Variants in PCDHGB7 observed in about 807,000 individuals in gnomAD.
PCDHGB7 encodes protocadherin gamma subfamily B, 7.
Under a neutral mutation model 61.4 loss-of-function variants are expected in PCDHGB7, and 37 were observed. The ratio of observed to expected loss-of-function variants is 0.60; its 90% CI spans 0.46 to 0.79. The LOEUF is 0.79. Among genes scored for constraint, PCDHGB7 ranks in the 30% least tolerant of loss-of-function variants. The probability of loss-of-function intolerance (pLI) is 0.00; values close to 1 mark genes in which losing one functional copy is unlikely to be tolerated. For synonymous variants in PCDHGB7, 464 were observed against 503.5 expected, an observed-to-expected ratio of 0.92 and a Z score of 1.05; for missense variants, 1,166 against 1,202.5, an observed-to-expected ratio of 0.97 and a Z score of 0.45.
At chr5:141,422,997 C>A in intron 1 of PCDHGB7, 3 of 1,614,218 alleles carry the variant, frequency 1.9e-6, no homozygotes, top group Non-Finnish European at 2.5e-6. Flanking sequence ...ACCTGGTGAC[C>A]AAGGTGGTTG....
At chr5:141,430,635 T>C (rs1561846344) in intron 1 of PCDHGB7, 1 of 881,828 alleles carries the variant, frequency 1.1e-6, no homozygotes, top group African/African-American at 1.7e-5. Context: ...GAACCATCCC[T>C]GGGAGTATGT....
chr5:141,457,416 C>T (rs1378171092), intron 1 of PCDHGB7, among the ~76,000 whole-genome samples: 1 of 152,172 alleles, frequency 6.6e-6, no homozygotes, highest in Non-Finnish European at 1.5e-5. Flanking sequence ...ATTACCCATC[C>T]CTTTTTCCCC....
Position 141,431,264 on chromosome 5 carries a change from A to T in PCDHGB7, c.2415+10990A>T. The T allele has an allele frequency of 6.2e-7, 1 of 1,614,170 alleles. No individual in the cohort carries two copies. On this transcript the variant is annotated intron_variant, in intron 1 of 3. Coordinates refer to ENST00000398594, the MANE Select transcript of PCDHGB7 (RefSeq NM_018927.4). This position sits in a 1 kb window ranked among gnomAD's most constrained non-coding sequence, Gnocchi z 4.8. ...GGATATCGGGAAGAACTCTCTGCAG[A>T]GCTACGAGCTCAGCCCGAACACTCA...
chr5:141,437,794 G>A (rs1162440523), intron 1 of PCDHGB7, among the ~76,000 whole-genome samples: 3 of 150,526 alleles, frequency 2.0e-5, no homozygotes, highest in Non-Finnish European at 4.4e-5. Flanking sequence ...CTGGAGTGCA[G>A]TGGCACTATC....
At chr5:141,427,929 T>A in intron 1 of PCDHGB7, 1 of 1,582,776 alleles carries the variant, frequency 6.3e-7, no homozygotes, top group South Asian at 1.1e-5. Flanking sequence ...CCGGCGCATG[T>A]TGGTGGGCGA....
chr5:141,484,930 G>A (rs992641330), intron 1 of PCDHGB7: 2 of 501,452 alleles, frequency 4.0e-6, no homozygotes, highest in South Asian at 2.6e-5. Flanking sequence ...CTGCTGTTGG[G>A]ACGTTCTCTG....
intron 2 of PCDHGB7, among the ~76,000 whole-genome samples, chr5:141,502,358 TA>T (rs1283802909): frequency 6.6e-6 from 1 of 152,134 alleles, no homozygotes; most frequent in African/African-American, 2.4e-5. Context: ...ATGACATGGA[TA>T]TTTTTAAAGA....
chr5:141,460,921 T>C (rs984603258), intron 1 of PCDHGB7, among the ~76,000 whole-genome samples: 4 of 151,276 alleles, frequency 2.6e-5, no homozygotes, highest in African/African-American at 9.7e-5. Flanking sequence ...TGTATATATA[T>C]ATATGTGTGT....
chr5:141,505,155 C>T (rs2099844224), intron 2 of PCDHGB7, among the ~76,000 whole-genome samples: 1 of 152,162 alleles, frequency 6.6e-6, no homozygotes, highest in Non-Finnish European at 1.5e-5. Context: ...GAGTAAGACC[C>T]TGTCTAAAAC....
At chr5:141,421,825 AG>A in intron 1 of PCDHGB7, 1 of 1,613,802 alleles carries the variant, frequency 6.2e-7, no homozygotes. Flanking sequence ...ACTGGAGGGA[AG>A]CCTGGACCGA....
In PCDHGB7 at chr5:141,458,391, C is replaced by G. The variant is rs534396279; in HGVS notation, c.2416-36416C>G. 5.9e-5 allele frequency among the ~76,000 whole-genome samples: 9 copies of G among 152,126 alleles called. No homozygotes were observed. In the South Asian group the frequency reaches 1.0e-3, roughly 18 times the overall value. ...GGAGAAGAGAGAAGGAAGACGCTCCCCCTTGCAGAGACGGAGCGGGGGTTC... is the reference window on the plus strand; with the variant it reads ...GGAGAAGAGAGAAGGAAGACGCTCCGCCTTGCAGAGACGGAGCGGGGGTTC... On this transcript the variant is annotated intron_variant, in intron 1 of 3. Coordinates refer to ENST00000398594, the MANE Select transcript of PCDHGB7 (RefSeq NM_018927.4).
In PCDHGB7 at chr5:141,490,304, T is replaced by G. The variant is rs2099698490; in HGVS notation, c.2416-4503T>G. On this transcript the variant is annotated intron_variant, in intron 1 of 3. Coordinates refer to ENST00000398594, the MANE Select transcript of PCDHGB7 (RefSeq NM_018927.4). This position sits in a 1 kb window ranked among gnomAD's most constrained non-coding sequence, Gnocchi z 5.4. ...GCCCCAGAGGTGCTATTGGCCTCTT[T>G]GGCCAACCCTGTCCTAGAGAGCACA... 1.2e-6 allele frequency: 2 copies of G among 1,614,026 alleles called. No homozygotes were observed. The highest frequency in any genetic ancestry group is 1.7e-5 in the Admixed American group (1 of 60,010).
At chr5:141,478,500 T>G in intron 1 of PCDHGB7, 1 of 1,612,740 alleles carries the variant, frequency 6.2e-7, no homozygotes, top group Non-Finnish European at 8.5e-7. Flanking sequence ...TGTGATCCGG[T>G]GTTCTATAGG....
chr5:141,427,817 G>A, intron 1 of PCDHGB7: 2 of 1,528,134 alleles, frequency 1.3e-6, no homozygotes, highest in Non-Finnish European at 1.8e-6. Flanking sequence ...AGAGCGGGGT[G>A]GTGGTCGCGC....
At chr5:141,450,832 T>TTA (rs764784095) in intron 1 of PCDHGB7, among the ~76,000 whole-genome samples, 6,304 of 142,274 alleles carry the variant, frequency 0.044, 222 homozygotes, top group African/African-American at 0.11. Context: ...TATTATTATT[T>TTA]TTTTTTTTTT....
intron 1 of PCDHGB7, chr5:141,441,078 G>T (rs1443239760): frequency 2.0e-5 from 3 of 152,140 alleles, no homozygotes; most frequent in Non-Finnish European, 4.4e-5. Context: ...CCATGGTTTT[G>T]GTAGCAAGTG....
chr5:141,432,722 T>G lies in PCDHGB7; in HGVS notation c.2415+12448T>G, dbSNP rs2097531915. 6.2e-7 allele frequency: 1 copy of G among 1,613,646 alleles called. No homozygotes were observed. Among genetic ancestry groups the G allele is most frequent in the African/African-American group, 1.3e-5 (1 of 74,900 alleles). ...CCAGGACCACGGCCAGCCCCCTCTC[T>G]CCGCCACTGTCACGCTCACCGTGGC... On this transcript the variant is annotated intron_variant, in intron 1 of 3. Coordinates refer to ENST00000398594, the MANE Select transcript of PCDHGB7 (RefSeq NM_018927.4). The surrounding 1 kb of genome is among the most constrained non-coding windows in gnomAD (Gnocchi z 6.0).
chr5:141,419,318 G>A lies in PCDHGB7; in HGVS notation c.1459G>A (p.Val487Ile). The A allele has an allele frequency of 6.2e-7, 1 of 1,613,992 alleles. No homozygotes were observed. The highest frequency in any genetic ancestry group is 8.5e-7 in the Non-Finnish European group (1 of 1,179,904). The change falls in exon 1 of 4, where the codon GTC (valine) becomes ATC (isoleucine). Residue 487 changes from valine (V) to isoleucine (I), a missense_variant. Transcript: ENST00000398594. ...CCCAGACTTCGGGCTCAACGGCCGT[G>A]TCTCCTACTCTCTCATTGCCAGCGA... ...SDPDFGLNGR[V>I]SYSLIASDLE...
chr5:141,454,580 ATT>A (rs1392342692), intron 1 of PCDHGB7, among the ~76,000 whole-genome samples: 2 of 151,234 alleles, frequency 1.3e-5, no homozygotes, highest in Non-Finnish European at 2.9e-5. Context: ...CTAATTTTGT[ATT>A]TTTAGTAGAG....
Sources: allele counts gnomAD v4.1 joint callset (sites outside exome capture counted in the v4.1 genomes callset), GRCh38; gene constraint gnomAD v4.1.1; non-coding constraint Gnocchi (gnomAD v3.1); transcripts MANE v1.5; gene names NCBI Gene and HGNC (gene_info 2026-07-23, HGNC 2026-07-21).